The following RNGTT variants were observed in gnomAD, a reference collection of about 807,000 sequenced individuals.
RNGTT encodes RNA guanylyltransferase and 5'-phosphatase.
RNGTT carries 33 observed loss-of-function variants against 79.3 expected under a neutral mutation model. That is an observed-to-expected ratio of 0.42 (90% CI 0.32 to 0.56). The LOEUF is 0.56. Among genes scored for constraint, RNGTT ranks in the 20% least tolerant of loss-of-function variants. The pLI is 0.17. For synonymous variants in RNGTT, 222 were observed against 235.9 expected (o/e 0.94, Z 0.54); for missense variants, 497 against 739.1 (o/e 0.67, Z 3.80).
chr6:88,813,894 C>G (rs1231771713), intron 11 of RNGTT, among the ~76,000 whole-genome samples: 1 of 152,180 alleles, frequency 6.6e-6, no homozygotes, highest in Non-Finnish European at 1.5e-5. Context: ...TCACATCTTA[C>G]ATTCATTGTA....
intron 14 of RNGTT, among the ~76,000 whole-genome samples, chr6:88,617,366 G>GTT (rs1186244656): frequency 6.6e-6 from 1 of 152,148 alleles, no homozygotes; most frequent in Non-Finnish European, 1.5e-5. Context: ...TGTATATGGT[G>GTT]TAAGGTAGGG....
Position 88,612,894 on chromosome 6 carries a change from G to A in RNGTT, c.1631-12C>T, listed in dbSNP as rs1772085541. ...GCTGTTACACACAGCTGTGGACAAA[G>A]GGAGACAGGTCTCATGTGAGGGTTA... On this transcript the variant is annotated splice_polypyrimidine_tract_variant and intron_variant, in intron 15 of 15. Coordinates refer to ENST00000369485, the MANE Select transcript of RNGTT (RefSeq NM_003800.5). 9 of 1,611,768 alleles carry A rather than the reference G, an allele frequency of 5.6e-6. No individual in the cohort carries two copies. In the East Asian group the frequency reaches 1.8e-4, roughly 32 times the overall value.
At chr6:88,668,189 C>T (rs545857024) in intron 14 of RNGTT, among the ~76,000 whole-genome samples, 2 of 152,232 alleles carry the variant, frequency 1.3e-5, no homozygotes, top group East Asian at 1.9e-4. Flanking sequence ...TTTGTGGCCA[C>T]GGTGGAAAGG....
intron 14 of RNGTT, among the ~76,000 whole-genome samples, chr6:88,615,163 T>C (rs1195910757): frequency 6.6e-6 from 1 of 152,188 alleles, no homozygotes; most frequent in Non-Finnish European, 1.5e-5. Context: ...TCTTTGTAGT[T>C]TTCAAATCAA....
chr6:88,785,216 C>T (rs1252185867), intron 12 of RNGTT, among the ~76,000 whole-genome samples: 1 of 151,980 alleles, frequency 6.6e-6, no homozygotes, highest in African/African-American at 2.4e-5. Context: ...TAGGAATTCA[C>T]CGCTTCTTTC....
chr6:88,720,346 T>C (rs1776666713), intron 13 of RNGTT, among the ~76,000 whole-genome samples: 1 of 152,012 alleles, frequency 6.6e-6, no homozygotes. Flanking sequence ...GATAACAAAT[T>C]TCTATAGTCT....
At chr6:88,852,693 A>G (rs1438160610) in intron 9 of RNGTT, among the ~76,000 whole-genome samples, 1 of 152,220 alleles carries the variant, frequency 6.6e-6, no homozygotes, top group Non-Finnish European at 1.5e-5. Context: ...CTGGTTAAAT[A>G]AATTACAGAA....
chr6:88,685,806 T>G (rs1455197157), intron 13 of RNGTT, among the ~76,000 whole-genome samples: 1 of 152,012 alleles, frequency 6.6e-6, no homozygotes, highest in Non-Finnish European at 1.5e-5. Flanking sequence ...TTTATCTAAA[T>G]GATCTAAGTA....
At chr6:88,948,568 G>A (rs1272298589) in intron 1 of RNGTT, among the ~76,000 whole-genome samples, 2 of 149,014 alleles carry the variant, frequency 1.3e-5, no homozygotes, top group Non-Finnish European at 3.0e-5. Context: ...CTACTGGGAA[G>A]TGAGTAGCCC....
chr6:88,757,865 T>C (rs767266375), intron 13 of RNGTT, among the ~76,000 whole-genome samples: 4 of 152,200 alleles, frequency 2.6e-5, no homozygotes, highest in Admixed American at 6.5e-5. Flanking sequence ...CTAAACTCTT[T>C]GAAATTTTCC....
intron 13 of RNGTT, among the ~76,000 whole-genome samples, chr6:88,736,264 A>G (rs1582399213): frequency 6.6e-6 from 1 of 152,326 alleles, no homozygotes; most frequent in East Asian, 1.9e-4. Context: ...AATGACATCA[A>G]TTTTCTATAA....
chr6:88,941,030 A>G lies in RNGTT; in HGVS notation c.174+41T>C, dbSNP rs756342487. On this transcript the variant is annotated intron_variant, in intron 2 of 15. Coordinates refer to ENST00000369485, the MANE Select transcript of RNGTT (RefSeq NM_003800.5). ...CCACCTGAAGAACAAGACTGAACAA[A>G]GTATATTAAATCAGTGACAAAAATA... 4.2e-6 allele frequency: 5 copies of G among 1,201,658 alleles called. No homozygotes were observed. The Admixed American group carries it at 9.0e-5, about 22-fold the overall frequency. 74.4% of individuals were successfully genotyped at this position (1,201,658 alleles called of 1,614,324 possible).
intron 9 of RNGTT, among the ~76,000 whole-genome samples, chr6:88,852,697 T>C (rs1317758230): frequency 6.6e-6 from 1 of 152,136 alleles, no homozygotes; most frequent in East Asian, 1.9e-4. Context: ...TTAAATAAAT[T>C]ACAGAACTAT....
At chr6:88,873,509 A>G (rs1192994407) in intron 8 of RNGTT, among the ~76,000 whole-genome samples, 1 of 152,196 alleles carries the variant, frequency 6.6e-6, no homozygotes, top group Non-Finnish European at 1.5e-5. Context: ...TACTTGGCAC[A>G]TAACAGACAC....
intron 12 of RNGTT, among the ~76,000 whole-genome samples, chr6:88,791,566 G>T (rs564485683): frequency 2.6e-5 from 4 of 151,868 alleles, no homozygotes; most frequent in Non-Finnish European, 5.9e-5. Flanking sequence ...TTGAGACAGA[G>T]TCTGGCTCTG....
intron 4 of RNGTT, among the ~76,000 whole-genome samples, chr6:88,908,684 G>A (rs931197803): frequency 6.6e-6 from 1 of 152,172 alleles, no homozygotes; most frequent in Non-Finnish European, 1.5e-5. Flanking sequence ...CGGTGCAGCT[G>A]CAGCAAAACA....
At chr6:88,665,308 C>T (rs1159448864) in intron 14 of RNGTT, among the ~76,000 whole-genome samples, 1 of 152,150 alleles carries the variant, frequency 6.6e-6, no homozygotes, top group Non-Finnish European at 1.5e-5. Context: ...GAGGCCCAGC[C>T]AGTCAGGCAA....
At chr6:88,805,812 C>T (rs1003065541) in intron 11 of RNGTT, among the ~76,000 whole-genome samples, 1 of 152,212 alleles carries the variant, frequency 6.6e-6, no homozygotes, top group Non-Finnish European at 1.5e-5. Flanking sequence ...AAATAGAACA[C>T]TCTGTGGTAC....
At chr6:88,914,418 T>C (rs759331355) in intron 4 of RNGTT, among the ~76,000 whole-genome samples, 5 of 151,958 alleles carry the variant, frequency 3.3e-5, no homozygotes, top group Non-Finnish European at 4.4e-5. Context: ...CAAAAGAGCA[T>C]GGTACTCCTA....
Sources: gnomAD v4.1 joint callset for allele counts (sites outside exome capture counted in the v4.1 genomes callset) on GRCh38, gnomAD v4.1.1 for gene constraint, MANE v1.5 for transcripts, NCBI Gene and HGNC (gene_info 2026-07-23, HGNC 2026-07-21) for gene names.